KTN1: variants seen among roughly 807,000 people sequenced by gnomAD.
KTN1 encodes the protein kinectin.
Under a neutral mutation model 222.5 loss-of-function variants are expected in KTN1, and 130 were observed. That is an observed-to-expected ratio of 0.58 (90% CI 0.51 to 0.68). The LOEUF is 0.68. Ranked by LOEUF, KTN1 falls within the 30% of genes least tolerant of loss-of-function variation. KTN1 has a pLI of 0.00. For synonymous variants in KTN1, 512 were observed against 496.3 expected, an observed-to-expected ratio of 1.03 and a Z score of -0.42; for missense variants, 1,508 against 1,500.4, an observed-to-expected ratio of 1.01 and a Z score of -0.08.
At chr14:55,649,297 A>C (rs2042700687) in intron 21 of KTN1, among the ~76,000 whole-genome samples, 2 of 152,174 alleles carry the variant, frequency 1.3e-5, no homozygotes, top group South Asian at 4.1e-4. Context: ...TCCAGGTTGG[A>C]ATATGTCAAT....
intron 28 of KTN1, among the ~76,000 whole-genome samples, chr14:55,655,488 A>G (rs2043377369): frequency 6.6e-6 from 1 of 152,224 alleles, no homozygotes; most frequent in African/African-American, 2.4e-5. Context: ...GGGGATACCG[A>G]AATGGATAAG....
intron 1 of KTN1, among the ~76,000 whole-genome samples, chr14:55,580,580 C>T (rs1215623436): frequency 3.3e-5 from 5 of 151,560 alleles, no homozygotes; most frequent in Admixed American, 1.3e-4. Context: ...GGAGGGACCT[C>T]CTCGGCCTCG....
intron 1 of KTN1, among the ~76,000 whole-genome samples, chr14:55,582,500 A>C (rs1436249017): frequency 6.6e-6 from 1 of 152,202 alleles, no homozygotes; most frequent in Admixed American, 6.5e-5. Context: ...AGTTATGGTT[A>C]AAAGTTCTTA....
In KTN1 at chr14:55,648,859, C is replaced by T; in HGVS notation, c.2356C>T (p.Gln786Ter). ...TKEVQDLKAK[Q>*]NDQVSFASLV... is the part of the protein sequence containing the mutation. ...AGAAGTTCAAGACTTAAAAGCTAAG[C>T]AAAATGATCAGGTAATGTAAATTTT... Residue 786 changes from glutamine to a stop codon, truncating the protein, a stop_gained, in exon 21 of 44, where the codon CAA (glutamine) becomes TAA (stop). Transcript: ENST00000395314. LOFTEE classifies it high-confidence loss of function. The T allele has an allele frequency of 6.3e-7, 1 of 1,583,486 alleles. No individual in the cohort carries two copies. The highest frequency in any genetic ancestry group is 8.7e-7 in the Non-Finnish European group (1 of 1,154,246).
At chr14:55,644,705 C>G (rs969149790) in intron 18 of KTN1, among the ~76,000 whole-genome samples, 5 of 151,828 alleles carry the variant, frequency 3.3e-5, no homozygotes, top group Non-Finnish European at 5.9e-5. Context: ...TCTTTTTGCC[C>G]TACTGCCTTG....
At chr14:55,681,670 A>G (rs959336111) in intron 43 of KTN1, 1 of 152,186 alleles carries the variant, frequency 6.6e-6, no homozygotes, top group African/African-American at 2.4e-5. Flanking sequence ...GCTGATAAAC[A>G]TAAGTCCAAG....
At chr14:55,617,174 A>G (rs1293588008) in intron 3 of KTN1, among the ~76,000 whole-genome samples, 1 of 152,200 alleles carries the variant, frequency 6.6e-6, no homozygotes, top group African/African-American at 2.4e-5. Context: ...ACTTAAAATT[A>G]TGACATATCA....
chr14:55,582,799 C>A (rs777257055), intron 1 of KTN1, among the ~76,000 whole-genome samples: 1 of 152,166 alleles, frequency 6.6e-6, no homozygotes, highest in Non-Finnish European at 1.5e-5. Flanking sequence ...TGAGAAAAAT[C>A]GTGCTTTGCA....
intron 5 of KTN1, among the ~76,000 whole-genome samples, chr14:55,623,405 G>T (rs1480248299): frequency 2.6e-5 from 4 of 152,074 alleles, no homozygotes; most frequent in African/African-American, 9.7e-5. Context: ...TTTGAGATGG[G>T]GTCTGGCCCT....
At chr14:55,640,085 A>G (rs190190707) in intron 14 of KTN1, 82 bp downstream of exon 14, 464 of 843,506 alleles carry the variant, frequency 5.5e-4, no homozygotes, top group African/African-American at 3.8e-3. Context: ...CAGTAAGTGT[A>G]TATGAAAAAT....
At chr14:55,670,607 C>A in intron 34 of KTN1, 122 bp from the exon 35 acceptor site, 1 of 590,704 alleles carries the variant, frequency 1.7e-6, no homozygotes, top group Non-Finnish European at 2.9e-6. Context: ...TAGCAATGTC[C>A]TGTTTGTCTG....
At chr14:55,642,497 T>C (rs2041899173) in intron 18 of KTN1, among the ~76,000 whole-genome samples, 1 of 152,224 alleles carries the variant, frequency 6.6e-6, no homozygotes, top group Non-Finnish European at 1.5e-5. Context: ...TACGCAGCTC[T>C]TACAATTACA....
intron 31 of KTN1, 187 bp from the exon 32 acceptor site, chr14:55,661,335 G>C: frequency 2.1e-6 from 1 of 472,350 alleles, no homozygotes; most frequent in Admixed American, 3.7e-5. Flanking sequence ...ACTTATATTA[G>C]AAATCATTTC....
intron 1 of KTN1, among the ~76,000 whole-genome samples, 200 bp downstream of exon 1, chr14:55,580,554 C>T (rs1422718700): frequency 4.6e-5 from 7 of 151,152 alleles, no homozygotes; most frequent in Non-Finnish European, 7.4e-5. Flanking sequence ...GCCGGGACGC[C>T]GCAGGGGGCG....
chr14:55,595,905 A>G (rs1449210810), intron 1 of KTN1, among the ~76,000 whole-genome samples: 1 of 152,168 alleles, frequency 6.6e-6, no homozygotes, highest in Non-Finnish European at 1.5e-5. Flanking sequence ...CTGTAATCCC[A>G]ATACTTTGGG....
chr14:55,642,774 G>A (rs977544076), intron 18 of KTN1, among the ~76,000 whole-genome samples: 20 of 151,860 alleles, frequency 1.3e-4, no homozygotes, highest in African/African-American at 4.6e-4. Context: ...CTACCTCCCC[G>A]TATGATATTA....
chr14:55,666,479 A>T (rs1036522942), intron 33 of KTN1, among the ~76,000 whole-genome samples: 4 of 151,200 alleles, frequency 2.6e-5, no homozygotes, highest in African/African-American at 9.7e-5. Flanking sequence ...TTGGTGCGTG[A>T]TAAGTCATTA....
intron 7 of KTN1, among the ~76,000 whole-genome samples, chr14:55,631,011 C>T (rs533228807): frequency 6.6e-6 from 1 of 152,162 alleles, no homozygotes; most frequent in South Asian, 2.1e-4. Context: ...TACCCTTTCA[C>T]CTGTCTTCTG....
intron 5 of KTN1, among the ~76,000 whole-genome samples, chr14:55,620,450 C>A (rs1213447584): frequency 6.6e-6 from 1 of 152,204 alleles, no homozygotes; most frequent in African/African-American, 2.4e-5. Flanking sequence ...AGCAGAGGTT[C>A]TCCATGAGGG....
Sources: gnomAD v4.1 joint callset for allele counts (sites outside exome capture counted in the v4.1 genomes callset) on GRCh38, gnomAD v4.1.1 for gene constraint, MANE v1.5 for transcripts, NCBI Gene and HGNC (gene_info 2026-07-23, HGNC 2026-07-21) for gene names.